PLA2R1: variants seen among roughly 807,000 people sequenced by gnomAD.
PLA2R1 encodes the protein phospholipase A2 receptor 1, also known as secretory phospholipase A2 receptor.
PLA2R1 carries 158 observed loss-of-function variants against 195.9 expected under a neutral mutation model. The observed-to-expected ratio is 0.81, with a 90% CI of 0.71 to 0.92. PLA2R1 has a LOEUF of 0.92. PLA2R1 is among the 40% of genes least tolerant of loss of function. The probability of loss-of-function intolerance (pLI) is 0.00; values close to 1 mark genes in which losing one functional copy is unlikely to be tolerated. For missense variants in PLA2R1, 1,626 were observed against 1,764.6 expected (o/e 0.92, Z 1.41); for synonymous variants, 586 against 598.2 (o/e 0.98, Z 0.30).
intron 8 of PLA2R1, among the ~76,000 whole-genome samples, chr2:160,017,405 C>T (rs1443364135): frequency 6.6e-6 from 1 of 152,202 alleles, no homozygotes; most frequent in Non-Finnish European, 1.5e-5. Context: ...AGTGAGAGTG[C>T]TGACGCCTCT....
rs955779182 is a variant in PLA2R1, at chr2:159,963,623, C to A, written c.2904+3916G>T. On this transcript the variant is annotated intron_variant, in intron 20 of 29. Transcript: ENST00000283243. Reference sequence around the variant, plus strand: ...CCAAAGAAGATAAACAAATGGCTAACAAGCACATGAAACGATGCTCAACTT... The same window carrying A: ...CCAAAGAAGATAAACAAATGGCTAAAAAGCACATGAAACGATGCTCAACTT... 3.3e-5 allele frequency among the ~76,000 whole-genome samples: 5 copies of A among 152,228 alleles called. No homozygotes were observed. The South Asian group carries it at 1.0e-3, about 32-fold the overall frequency.
At chr2:160,008,974 G>A (rs2667009) in intron 10 of PLA2R1, among the ~76,000 whole-genome samples, 115,056 of 152,164 alleles carry the variant, frequency 0.76, 43,842 homozygotes, top group East Asian at 0.88. Context: ...ATCACCAGTG[G>A]AATGCAGATC....
chr2:160,025,588 C>CAAAA (rs56365741), intron 6 of PLA2R1, among the ~76,000 whole-genome samples: 25 of 52,846 alleles, frequency 4.7e-4, no homozygotes, highest in East Asian at 6.4e-4. Context: ...AACCATAAAG[C>CAAAA]AAAAAAAAAA....
Position 160,005,959 on chromosome 2 carries a change from A to ATGTT in PLA2R1, c.1665-139_1665-138insAACA. The ATGTT allele has an allele frequency of 6.1e-6, 4 of 657,172 alleles. No homozygotes were observed. The South Asian group carries it at 7.3e-5, about 12-fold the overall frequency. 40.7% of individuals were successfully genotyped at this position (657,172 alleles called of 1,614,324 possible). A position where few individuals can be genotyped will look rare whatever the true frequency, so the allele number is the denominator to read the frequency against. On this transcript the variant is annotated intron_variant, in intron 10 of 29. Coordinates refer to ENST00000283243, the MANE Select transcript of PLA2R1 (RefSeq NM_007366.5). The stretch of plus-strand genomic sequence containing the variant: ...TCTTTAGAACATGGAACAGGAAAAC[A>ATGTT]CCCAAAGACCCTGAACATTACTAAT...
intron 7 of PLA2R1, among the ~76,000 whole-genome samples, chr2:160,021,026 G>T (rs564435828): frequency 5.3e-5 from 8 of 152,020 alleles, no homozygotes; most frequent in Non-Finnish European, 1.2e-4. Context: ...TCTGCCTAGA[G>T]AAAGGAAAAA....
At chr2:160,009,691 G>A (rs1172001891) in intron 10 of PLA2R1, among the ~76,000 whole-genome samples, 4 of 105,050 alleles carry the variant, frequency 3.8e-5, no homozygotes, top group Middle Eastern at 4.1e-3. Context: ...TGAATTTTAC[G>A]TTTATGTGTG....
At chr2:160,051,660 T>C (rs1215714307) in intron 1 of PLA2R1, among the ~76,000 whole-genome samples, 6 of 152,236 alleles carry the variant, frequency 3.9e-5, no homozygotes. Context: ...GAAGGAATAC[T>C]GTAAGCTGCT....
In PLA2R1 at chr2:159,987,194, C is replaced by T. The variant is rs769938979; in HGVS notation, c.1999G>A (p.Asp667Asn). Residue 667 changes from aspartate (D) to asparagine (N), a missense_variant, in exon 12 of 30, where the codon GAC becomes AAC. Transcript: ENST00000283243. ...GCCAGACCAGGCTCTGACTCCCAGT[C>T]CAAATAGCAGGGGTGAAAGGGCCAT... The part of the protein sequence containing the change: ...ERWPFHPCYL[D>N]WESEPGLASC... 3 of 1,614,066 alleles carry T rather than the reference C, an allele frequency of 1.9e-6. No individual in the cohort carries two copies. The highest frequency in any genetic ancestry group is 1.7e-5 in the Admixed American group (1 of 60,014).
At chr2:159,978,103 G>C (rs1689699283) in intron 14 of PLA2R1, among the ~76,000 whole-genome samples, 1 of 151,986 alleles carries the variant, frequency 6.6e-6, no homozygotes, top group South Asian at 2.1e-4. Flanking sequence ...GCCAGATCTT[G>C]GTATTAACTT....
In PLA2R1 at chr2:160,042,176, G is replaced by A. The variant is rs1257805748; in HGVS notation, c.516C>T (p.Asn172=). The A allele has an allele frequency of 2.5e-6, 4 of 1,613,732 alleles. No individual in the cohort carries two copies. The highest frequency in any genetic ancestry group is 3.4e-6 in the Non-Finnish European group (4 of 1,179,690). ...LHKDLHTIKG[N]THGMPCMFPF... ...GAAACATACACGGCATCCCGTGGGTGTTCCCTTTGATTGTATGCAAATCTA... is the reference window on the plus strand; with the variant it reads ...GAAACATACACGGCATCCCGTGGGTATTCCCTTTGATTGTATGCAAATCTA... The change falls in exon 3 of 30, where the codon AAC becomes AAT. Residue 172 remains asparagine (N), a synonymous_variant. Transcript: ENST00000283243.
rs867761181 is a variant in PLA2R1, at chr2:159,935,389, T to C, written c.*6389A>G. ...CTGATAGTGATTTTTGTTTCTCCCATTTCTTCTACATTTATCAATTGGAAT... is the reference window on the plus strand; with the variant it reads ...CTGATAGTGATTTTTGTTTCTCCCACTTCTTCTACATTTATCAATTGGAAT... On this transcript the variant is annotated 3_prime_UTR_variant, in exon 30 of 30. Transcript: ENST00000283243. 2.0e-5 allele frequency: 3 copies of C among 152,234 alleles called. No individual in the cohort carries two copies. Among genetic ancestry groups the C allele is most frequent in the Admixed American group, 6.5e-5 (1 of 15,284 alleles). The allele number at this position is 152,234 out of a possible 1,614,324, so 9.4% of individuals were successfully genotyped here.
chr2:160,028,793 T>C lies in PLA2R1; in HGVS notation c.955+57A>G, dbSNP rs555710123. The C allele has an allele frequency of 2.1e-5, 20 of 965,368 alleles. No individual in the cohort carries two copies. In the South Asian group the frequency reaches 2.6e-4, roughly 12 times the overall value. The allele number at this position is 965,368 out of a possible 1,614,324, so 59.8% of individuals were successfully genotyped here. On this transcript the variant is annotated intron_variant, in intron 5 of 29. Transcript: ENST00000283243. ...GTCCTATGTGCATGGGAAATGCTGC[T>C]GTGTAAGGGTGCAAGATGATGCCAC...
rs774040087 is a variant in PLA2R1 at position 159,934,098 on chromosome 2, ACAGT to A, written c.*7676_*7679del. 6.6e-6 allele frequency: 1 copy of A among 152,344 alleles called. No homozygotes were observed. Among genetic ancestry groups the A allele is most frequent in the East Asian group, 1.9e-4 (1 of 5,192 alleles). The allele number at this position is 152,344 out of a possible 1,614,324, so 9.4% of individuals were successfully genotyped here. A position where few individuals can be genotyped will look rare whatever the true frequency, so the allele number is the denominator to read the frequency against. On this transcript the variant is annotated 3_prime_UTR_variant, in exon 30 of 30. Transcript: ENST00000283243. ...CCAAGCATGTATCTTGATAATCACT[ACAGT>A]CAAAGTTTCTTATAAATGTTGGCAA... is the stretch of plus-strand genomic sequence containing the variant.
intron 3 of PLA2R1, among the ~76,000 whole-genome samples, chr2:160,034,305 TAG>T (rs1293919234): frequency 6.6e-6 from 1 of 152,146 alleles, no homozygotes; most frequent in Non-Finnish European, 1.5e-5. Flanking sequence ...AGGTTGTCTA[TAG>T]AGTTTCCTGA....
intron 12 of PLA2R1, among the ~76,000 whole-genome samples, chr2:159,984,554 A>T (rs1294541139): frequency 2.0e-5 from 3 of 152,114 alleles, no homozygotes; most frequent in Non-Finnish European, 4.4e-5. Context: ...ATTGATCATT[A>T]CTCTGGCTGA....
At chr2:160,007,065 T>C (rs1692033163) in intron 10 of PLA2R1, among the ~76,000 whole-genome samples, 1 of 152,240 alleles carries the variant, frequency 6.6e-6, no homozygotes, top group Non-Finnish European at 1.5e-5. Context: ...AGATACTCTA[T>C]TAATAACCTA....
Position 159,935,945 on chromosome 2 carries a change from A to ATTTTTTTTTTTTTTTTTTTTTT in PLA2R1, c.*5811_*5832dup, listed in dbSNP as rs56240008. On this transcript the variant is annotated 3_prime_UTR_variant, in exon 30 of 30. Coordinates refer to ENST00000283243, the MANE Select transcript of PLA2R1 (RefSeq NM_007366.5). ...GCAGTAAAAATATGTATATAAATTA[A>ATTTTTTTTTTTTTTTTTTTTTT]TTTTTTTTTTTTTTTTTTTTTTTTG... The ATTTTTTTTTTTTTTTTTTTTTT allele has an allele frequency of 3.5e-4, 38 of 107,228 alleles. 4 individuals carry two copies. The highest frequency in any genetic ancestry group is 1.8e-3 in the East Asian group (6 of 3,292). 6.6% of individuals were successfully genotyped at this position (107,228 alleles called of 1,614,324 possible).
chr2:160,038,641 G>A (rs1282039049), intron 3 of PLA2R1, among the ~76,000 whole-genome samples: 1 of 152,120 alleles, frequency 6.6e-6, no homozygotes, highest in African/African-American at 2.4e-5. Context: ...GGATCTTTTT[G>A]CCATTATGAG....
chr2:159,926,356 T>C, the PLA2R1 span, among the ~76,000 whole-genome samples: 1 of 152,202 alleles, frequency 6.6e-6, no homozygotes, highest in African/African-American at 2.4e-5. Flanking sequence ...TGGATTACAG[T>C]TGTGTTCAGT....
Sources: gnomAD v4.1 joint callset for allele counts (sites outside exome capture counted in the v4.1 genomes callset) on GRCh38, gnomAD v4.1.1 for gene constraint, MANE v1.5 for transcripts, NCBI Gene and HGNC (gene_info 2026-07-23, HGNC 2026-07-21) for gene names.